NOTUM: variants seen among roughly 807,000 people sequenced by gnomAD.
NOTUM encodes the protein palmitoleoyl-protein carboxylesterase NOTUM.
A neutral mutation model predicts 65.5 loss-of-function variants in NOTUM; 36 were observed. The observed-to-expected ratio is 0.55, with a 90% CI of 0.42 to 0.73. The LOEUF is 0.73. NOTUM is among the 30% of genes least tolerant of loss of function. The pLI, the probability that NOTUM is intolerant of heterozygous loss-of-function variation, is 0.00. For synonymous variants in NOTUM, 356 were observed against 297.9 expected (o/e 1.20, Z -2.01); for missense variants, 659 against 694.2 (o/e 0.95, Z 0.57).
chr17:81,960,910 G>A lies in NOTUM; in HGVS notation c.-1C>T. ...GCAGCACGCGCACCCCTCGGCCCAT[G>A]GCCGCGTCCACCTGCGGGGAGCGGG... On this transcript the variant is annotated 5_prime_UTR_variant, in exon 1 of 11. Transcript: ENST00000409678. The surrounding 1 kb of genome is among the most constrained non-coding windows in gnomAD (Gnocchi z 6.4). The A allele has an allele frequency of 8.0e-7, 1 of 1,248,554 alleles. No individual in the cohort carries two copies. Among genetic ancestry groups the A allele is most frequent in the Non-Finnish European group, 1.0e-6 (1 of 996,564 alleles). 77.3% of individuals were successfully genotyped at this position (1,248,554 alleles called of 1,614,324 possible). A position where few individuals can be genotyped will look rare whatever the true frequency, so the allele number is the denominator to read the frequency against.
In NOTUM at chr17:81,953,202, C is replaced by G; in HGVS notation, c.1250G>C (p.Ser417Thr). 6.2e-7 allele frequency: 1 copy of G among 1,612,860 alleles called. No homozygotes were observed. Among genetic ancestry groups the G allele is most frequent in the Non-Finnish European group, 8.5e-7 (1 of 1,179,686 alleles). The change falls in exon 11 of 11, where the codon AGC (serine) becomes ACC (threonine). Residue 417 changes from serine (S) to threonine (T), a missense_variant. Transcript: ENST00000409678. Reference protein sequence around the residue: ...LPRALHCWDRSLHDSHKASKT... With the variant: ...LPRALHCWDRTLHDSHKASKT... ...GCTGGCCTTGTGGCTGTCATGGAGG[C>G]TCCTGTCCCAGCAGTGCAGTGCTCG...
At position 81,960,895 on chromosome 17, in the gene NOTUM, C is replaced by T. The variant is rs1265962701; in HGVS notation, c.15G>A (p.Val5=). Residue 5 remains valine, a synonymous_variant, in exon 1 of 11, where the codon GTG becomes GTA. Transcript: ENST00000409678. This position sits in a 1 kb window ranked among gnomAD's most constrained non-coding sequence, Gnocchi z 6.4. ...GCAGGCTCAGCAGCAGCAGCACGCGCACCCCTCGGCCCATGGCCGCGTCCA... is the reference window on the plus strand; with the variant it reads ...GCAGGCTCAGCAGCAGCAGCACGCGTACCCCTCGGCCCATGGCCGCGTCCA... The part of the protein sequence containing the change: MGRG[V]RVLLLLSLLH... The T allele has an allele frequency of 7.4e-7, 1 of 1,354,478 alleles. No homozygotes were observed. The highest frequency in any genetic ancestry group is 3.5e-5 in the Admixed American group (1 of 28,448). 83.9% of individuals were successfully genotyped at this position (1,354,478 alleles called of 1,614,324 possible). A position where few individuals can be genotyped will look rare whatever the true frequency, so the allele number is the denominator to read the frequency against.
intron 10 of NOTUM, 100 bp downstream of exon 10, chr17:81,954,156 G>A (rs777942194): frequency 1.9e-4 from 154 of 802,316 alleles, no homozygotes; most frequent in Admixed American, 4.8e-4. Context: ...CCCTAGAAGC[G>A]CCAAGAAGAG....
At chr17:81,958,560 C>G (rs1374262922) in intron 4 of NOTUM, among the ~76,000 whole-genome samples, 167 bp from the exon 5 acceptor site, 1 of 151,626 alleles carries the variant, frequency 6.6e-6, no homozygotes, top group African/African-American at 2.4e-5. Context: ...CAGCGTAATA[C>G]TCCTCAGGAA....
intron 10 of NOTUM, 141 bp downstream of exon 10, chr17:81,954,115 T>G (rs1466620732): frequency 3.1e-6 from 2 of 637,726 alleles, no homozygotes; most frequent in Non-Finnish European, 5.8e-6. Context: ...TTGGTACAAG[T>G]GGCTCTGGCA....
At chr17:81,954,385 C>T (rs553050333) in intron 9 of NOTUM, 82 bp from the exon 10 acceptor site, 18 of 989,976 alleles carry the variant, frequency 1.8e-5, no homozygotes, top group African/African-American at 4.8e-5. Context: ...AGCTGTCCCC[C>T]GCCTGGCCAT....
Position 81,955,482 on chromosome 17 carries a change from G to C in NOTUM, c.1051C>G (p.Leu351Val), listed in dbSNP as rs2041425479. ...EAQLTVDNVH[L>V]TGQPVQEGLR... ...CCCTCCTGCACCGGCTGCCCCGTCA[G>C]GTGCACGTTGTCCACCGTCAGCTGT... Residue 351 changes from leucine to valine, a missense_variant, in exon 9 of 11, where the codon CTG becomes GTG. Coordinates refer to ENST00000409678, the MANE Select transcript of NOTUM (RefSeq NM_178493.6). The C allele has an allele frequency of 6.2e-7, 1 of 1,611,066 alleles. No homozygotes were observed. Among genetic ancestry groups the C allele is most frequent in the South Asian group, 1.1e-5 (1 of 90,980 alleles).
At position 81,957,911 on chromosome 17, in the gene NOTUM, G is replaced by A; in HGVS notation, c.593-3C>T. ...GGCGCCCATGAAGGCGTACTCGTCTGCAAGAGGGAGGGGGTGGCCTCAGGT... is the reference window on the plus strand; with the variant it reads ...GGCGCCCATGAAGGCGTACTCGTCTACAAGAGGGAGGGGGTGGCCTCAGGT... On this transcript the variant is annotated splice_polypyrimidine_tract_variant and splice_region_variant and intron_variant, in intron 5 of 10. Transcript: ENST00000409678. 2 of 1,590,224 alleles carry A rather than the reference G, an allele frequency of 1.3e-6. No homozygotes were observed. The highest frequency in any genetic ancestry group is 1.7e-6 in the Non-Finnish European group (2 of 1,167,828).
chr17:81,958,859 A>G, intron 4 of NOTUM, 76 bp downstream of exon 4: 2 of 1,110,796 alleles, frequency 1.8e-6, no homozygotes, highest in Non-Finnish European at 2.7e-6. Context: ...TCAGAATATG[A>G]CTTCCCAAGG....
intron 9 of NOTUM, among the ~76,000 whole-genome samples, chr17:81,954,947 CT>C (rs1567937696): frequency 1.6e-4 from 19 of 116,340 alleles, no homozygotes; most frequent in South Asian, 1.0e-3. Context: ...CTCTCTCTCT[CT>C]CTCTCTCTCT....
intron 8 of NOTUM, 117 bp from the exon 9 acceptor site, chr17:81,955,661 AG>A: frequency 1.2e-6 from 1 of 847,354 alleles, no homozygotes; most frequent in Non-Finnish European, 1.7e-6. Context: ...CTCAGAGCTC[AG>A]CACCCCCAGG....
chr17:81,960,530 C>G lies in NOTUM; in HGVS notation c.323+57G>C, dbSNP rs2041466611. On this transcript the variant is annotated intron_variant, in intron 1 of 10. Coordinates refer to ENST00000409678, the MANE Select transcript of NOTUM (RefSeq NM_178493.6). The surrounding 1 kb of genome is among the most constrained non-coding windows in gnomAD (Gnocchi z 6.4). ...AACGGCCGCGGCCCGCAGGGAAGGT[C>G]CAGCCGGAGACCGGGCGCGTCGGGC... 7.9e-7 allele frequency: 1 copy of G among 1,265,684 alleles called. No individual in the cohort carries two copies. The highest frequency in any genetic ancestry group is 2.6e-5 in the Admixed American group (1 of 38,196). The allele number at this position is 1,265,684 out of a possible 1,614,324, so 78.4% of individuals were successfully genotyped here. A position where few individuals can be genotyped will look rare whatever the true frequency, so the allele number is the denominator to read the frequency against.
At chr17:81,958,752 C>A (rs978859840) in intron 4 of NOTUM, among the ~76,000 whole-genome samples, 183 bp downstream of exon 4, 2 of 152,066 alleles carry the variant, frequency 1.3e-5, no homozygotes, top group Admixed American at 1.3e-4. Flanking sequence ...CAGGACAGGA[C>A]CTCCTCCCCA....
intron 3 of NOTUM, 134 bp from the exon 4 acceptor site, chr17:81,959,129 C>G: frequency 1.3e-6 from 1 of 763,942 alleles, no homozygotes; most frequent in Non-Finnish European, 2.2e-6. Context: ...TAGCCCGAAC[C>G]AAGGTTGCCG....
At chr17:81,956,525 T>C in intron 8 of NOTUM, 125 bp downstream of exon 8, 1 of 680,916 alleles carries the variant, frequency 1.5e-6, no homozygotes, top group Non-Finnish European at 2.6e-6. Flanking sequence ...GCCGGACTCC[T>C]CCCTGGACCA....
intron 10 of NOTUM, 32 bp from the exon 11 acceptor site, chr17:81,953,299 T>G (rs1040983066): frequency 1.3e-6 from 2 of 1,481,674 alleles, no homozygotes; most frequent in Non-Finnish European, 9.3e-7. Context: ...GGGGGTCACA[T>G]GTGCGGAGTG....
At position 81,955,530 on chromosome 17, in the gene NOTUM, C is replaced by T; in HGVS notation, c.1003G>A (p.Val335Met). ...TGTGCCTCGTCAAACAGCCACTGCA[C>T]CACGAACACAGGGCCTGCGGGCGGC... ...YPTLRCPVFVVQWLFDEAQLT... is the reference protein window; with the variant it reads ...YPTLRCPVFVMQWLFDEAQLT... The change falls in exon 9 of 11, where the codon GTG becomes ATG. Residue 335 changes from valine (V) to methionine (M), a missense_variant. By Grantham distance (21) the Val-to-Met change is conservative. Coordinates refer to ENST00000409678, the MANE Select transcript of NOTUM (RefSeq NM_178493.6). 1 of 1,610,948 alleles carries T rather than the reference C, an allele frequency of 6.2e-7. No homozygotes were observed. Among genetic ancestry groups the T allele is most frequent in the East Asian group, 2.2e-5 (1 of 44,828 alleles).
chr17:81,955,648 A>C (rs1598367546), intron 8 of NOTUM, 104 bp from the exon 9 acceptor site: 1 of 901,452 alleles, frequency 1.1e-6, no homozygotes, highest in Non-Finnish European at 1.5e-6. Flanking sequence ...CCCCCACCCC[A>C]GGCTCAGAGC....
chr17:81,957,373 A>G (rs1490029401), intron 6 of NOTUM, among the ~76,000 whole-genome samples: 1 of 152,048 alleles, frequency 6.6e-6, no homozygotes, highest in Non-Finnish European at 1.5e-5. Context: ...AAGATAAACT[A>G]TGTGGCCTCA....
Sources: gnomAD v4.1 joint callset for allele counts (sites outside exome capture counted in the v4.1 genomes callset) on GRCh38, gnomAD v4.1.1 for gene constraint, Gnocchi (gnomAD v3.1) non-coding constraint, MANE v1.5 for transcripts, NCBI Gene and HGNC (gene_info 2026-07-23, HGNC 2026-07-21) for gene names.